Variants in MSANTD2 observed in about 807,000 individuals in gnomAD.
MSANTD2 encodes myb/SANT-like DNA-binding domain-containing protein 2.
A neutral mutation model predicts 52.6 loss-of-function variants in MSANTD2; 19 were observed. The ratio of observed to expected loss-of-function variants is 0.36; its 90% CI spans 0.25 to 0.53. MSANTD2 has a LOEUF of 0.53. Ranked by LOEUF, MSANTD2 falls within the 20% of genes least tolerant of loss-of-function variation. The probability of loss-of-function intolerance (pLI) is 0.91; values close to 1 mark genes in which losing one functional copy is unlikely to be tolerated. For missense variants in MSANTD2, 558 were observed against 716.3 expected, an observed-to-expected ratio of 0.78 and a Z score of 2.52; for synonymous variants, 291 against 289.7, an observed-to-expected ratio of 1.00 and a Z score of -0.04.
intron 3 of MSANTD2, among the ~76,000 whole-genome samples, chr11:124,772,146 T>C (rs952678892): frequency 6.6e-5 from 10 of 152,316 alleles, no homozygotes; most frequent in Admixed American, 5.9e-4. Context: ...TCTTAGTCTT[T>C]CCTCTAGCAA....
chr11:124,769,928 G>A (rs2135228786), intron 3 of MSANTD2, among the ~76,000 whole-genome samples: 1 of 152,324 alleles, frequency 6.6e-6, no homozygotes, highest in African/African-American at 2.4e-5. Flanking sequence ...AGCACAGGCT[G>A]GATATTTCCT....
intron 1 of MSANTD2, among the ~76,000 whole-genome samples, chr11:124,793,739 A>G (rs1408126040): frequency 1.3e-5 from 2 of 152,210 alleles, no homozygotes; most frequent in East Asian, 3.9e-4. Flanking sequence ...TGTTTGCCCC[A>G]GTGAGTTGAA....
At position 124,767,132 on chromosome 11, in the gene MSANTD2, GAGA is replaced by G. The variant is rs778970478; in HGVS notation, c.*41_*43del. ...TGGTCCGGGTAATGGGAAGTGAGTAGAGAAGAAGGAGCTAAGAGCCCAAATCCT... is the reference window on the plus strand; with the variant it reads ...TGGTCCGGGTAATGGGAAGTGAGTAGAGAAGGAGCTAAGAGCCCAAATCCT... On this transcript the variant is annotated 3_prime_UTR_variant, in exon 4 of 4. Transcript: ENST00000374979. The surrounding 1 kb of genome is among the most constrained non-coding windows in gnomAD (Gnocchi z 6.5). 30 of 1,539,872 alleles carry G rather than the reference GAGA, an allele frequency of 1.9e-5. No homozygotes were observed. The highest frequency in any genetic ancestry group is 2.6e-5 in the South Asian group (2 of 76,570).
chr11:124,793,398 C>T (rs1448217717), intron 1 of MSANTD2, among the ~76,000 whole-genome samples: 1 of 152,156 alleles, frequency 6.6e-6, no homozygotes, highest in East Asian at 1.9e-4. Flanking sequence ...TTTCCAAACA[C>T]ATCATGAAAA....
intron 2 of MSANTD2, among the ~76,000 whole-genome samples, chr11:124,773,869 G>C (rs555804024): frequency 6.6e-6 from 1 of 152,252 alleles, no homozygotes; most frequent in Admixed American, 6.5e-5. Flanking sequence ...CTGGGAGCAA[G>C]AATATACCCT....
At chr11:124,777,031 G>A (rs183623415) in intron 1 of MSANTD2, among the ~76,000 whole-genome samples, 8 of 152,318 alleles carry the variant, frequency 5.3e-5, no homozygotes, top group Admixed American at 2.0e-4. Flanking sequence ...AAATGCCTGC[G>A]GCAGAGCTCA....
At chr11:124,798,225 C>G (rs900119022) in intron 1 of MSANTD2, among the ~76,000 whole-genome samples, 13 of 126,000 alleles carry the variant, frequency 1.0e-4, no homozygotes, top group Admixed American at 4.5e-4. Flanking sequence ...CGTAGAAGAC[C>G]CTGTCTCTTA....
At position 124,773,548 on chromosome 11, in the gene MSANTD2, G is replaced by A. The variant is rs145886235; in HGVS notation, c.767-494C>T. ...CCTTATTACTCCTTTGAAATTAATCGGTAGTGATCGCTTACCATCTACCCC... is the reference window on the plus strand; with the variant it reads ...CCTTATTACTCCTTTGAAATTAATCAGTAGTGATCGCTTACCATCTACCCC... On this transcript the variant is annotated intron_variant, in intron 2 of 3. Coordinates refer to ENST00000374979, the MANE Select transcript of MSANTD2 (RefSeq NM_001308027.2). 3.3e-3 allele frequency among the ~76,000 whole-genome samples: 505 copies of A among 152,220 alleles called. 4 individuals are homozygous for A. The highest frequency in any genetic ancestry group is 0.012 in the African/African-American group (482 of 41,532).
chr11:124,799,804 C>T (rs1945629407), intron 1 of MSANTD2, 67 bp downstream of exon 1: 2 of 1,278,608 alleles, frequency 1.6e-6, no homozygotes, highest in Non-Finnish European at 1.1e-6. Context: ...GGCCCCCGCC[C>T]CCGAGGCCCG....
At chr11:124,785,009 T>C (rs898218161) in intron 1 of MSANTD2, among the ~76,000 whole-genome samples, 6 of 152,206 alleles carry the variant, frequency 3.9e-5, no homozygotes, top group African/African-American at 1.2e-4. Context: ...AAAATAAGCA[T>C]GTTTTATTAA....
intron 1 of MSANTD2, among the ~76,000 whole-genome samples, chr11:124,787,561 A>G (rs141046671): frequency 0.025 from 3,793 of 152,194 alleles, 162 homozygotes; most frequent in African/African-American, 0.085. Flanking sequence ...TTGTATTTTT[A>G]GTAGATACGG....
chr11:124,790,108 C>T (rs1945284951), intron 1 of MSANTD2: 1 of 152,176 alleles, frequency 6.6e-6, no homozygotes, highest in African/African-American at 2.4e-5. Flanking sequence ...GTTAACGTAA[C>T]ACTAGGAGCA....
intron 3 of MSANTD2, among the ~76,000 whole-genome samples, chr11:124,772,278 C>T (rs1318883307): frequency 6.6e-6 from 1 of 152,186 alleles, no homozygotes; most frequent in Non-Finnish European, 1.5e-5. Flanking sequence ...ACTCAGGTTC[C>T]TGTGACTCAT....
intron 1 of MSANTD2, among the ~76,000 whole-genome samples, chr11:124,786,514 A>C (rs1333572812): frequency 6.6e-6 from 1 of 152,156 alleles, no homozygotes; most frequent in Non-Finnish European, 1.5e-5. Flanking sequence ...GTAATTCTAC[A>C]TTGTGTTTCT....
chr11:124,795,885 T>C (rs532276), intron 1 of MSANTD2, among the ~76,000 whole-genome samples: 39,438 of 151,976 alleles, frequency 0.26, 5,236 homozygotes, highest in South Asian at 0.36. Flanking sequence ...GAATTGTTAG[T>C]AGACAAATTT....
At chr11:124,796,323 T>G (rs1306082452) in intron 1 of MSANTD2, among the ~76,000 whole-genome samples, 1 of 152,228 alleles carries the variant, frequency 6.6e-6, no homozygotes, top group African/African-American at 2.4e-5. Flanking sequence ...TGAGGAAGGC[T>G]GCTAATCAGA....
chr11:124,768,973 T>C (rs897731325), intron 3 of MSANTD2, among the ~76,000 whole-genome samples: 1 of 152,210 alleles, frequency 6.6e-6, no homozygotes, highest in Admixed American at 6.5e-5. Flanking sequence ...GTTCGTTAAA[T>C]ATTAACTTGG....
At chr11:124,776,224 A>G (rs1005471810) in intron 1 of MSANTD2, 3 of 152,246 alleles carry the variant, frequency 2.0e-5, no homozygotes, top group African/African-American at 7.2e-5. Flanking sequence ...CCATAAGCCA[A>G]TATGTTAACT....
In MSANTD2 at chr11:124,800,148, G is replaced by A. The variant is rs1429009922; in HGVS notation, c.233C>T (p.Ser78Phe). ...LGLGGRSAASSSVSFSPGGGG... is the reference protein window; with the variant it reads ...LGLGGRSAASFSVSFSPGGGG... ...GCCACCAGGGGAGAAGGAGACCGAG[G>A]ACGAGGCGGCGCTGCGGCCCCCCAG... is the stretch of plus-strand genomic sequence containing the variant. Residue 78 changes from serine to phenylalanine, a missense_variant, in exon 1 of 4, where the codon TCC becomes TTC. Transcript: ENST00000374979. The surrounding 1 kb of genome is among the most constrained non-coding windows in gnomAD (Gnocchi z 4.3). The A allele has an allele frequency of 6.8e-6, 10 of 1,475,960 alleles. No homozygotes were observed. Among genetic ancestry groups the A allele is most frequent in the East Asian group, 5.8e-5 (2 of 34,502 alleles). 91.4% of individuals were successfully genotyped at this position (1,475,960 alleles called of 1,614,324 possible). A position where few individuals can be genotyped will look rare whatever the true frequency, so the allele number is the denominator to read the frequency against.
Sources: allele counts gnomAD v4.1 joint callset (sites outside exome capture counted in the v4.1 genomes callset), GRCh38; gene constraint gnomAD v4.1.1; non-coding constraint Gnocchi (gnomAD v3.1); transcripts MANE v1.5; gene names NCBI Gene and HGNC (gene_info 2026-07-23, HGNC 2026-07-21).